The following DNAJC1 variants were observed in gnomAD, a reference collection of about 807,000 sequenced individuals.
DNAJC1 encodes dnaJ homolog subfamily C member 1.
Under a neutral mutation model 76.6 loss-of-function variants are expected in DNAJC1, and 58 were observed. The ratio of observed to expected loss-of-function variants is 0.76; its 90% confidence interval spans 0.61 to 0.94. The LOEUF (loss-of-function observed/expected upper bound fraction) is 0.94. Ranked by LOEUF, DNAJC1 falls within the 40% of genes least tolerant of loss-of-function variation. DNAJC1 has a pLI of 0.00. For missense variants in DNAJC1, 689 were observed against 677.3 expected (o/e 1.02, Z -0.19); for synonymous variants, 258 against 267.9 (o/e 0.96, Z 0.36).
At chr10:21,986,655 A>G (rs995243369) in intron 1 of DNAJC1, among the ~76,000 whole-genome samples, 2 of 152,164 alleles carry the variant, frequency 1.3e-5, no homozygotes, top group African/African-American at 4.8e-5. Flanking sequence ...ATTTTTAGGT[A>G]CTAAACCAAC....
intron 9 of DNAJC1, among the ~76,000 whole-genome samples, chr10:21,771,279 T>C (rs541493311): frequency 1.3e-5 from 2 of 152,338 alleles, no homozygotes; most frequent in South Asian, 4.1e-4. Context: ...TATTTCTTTT[T>C]CTTGCCTAAA....
intron 11 of DNAJC1, among the ~76,000 whole-genome samples, chr10:21,757,689 A>G: frequency 6.6e-6 from 1 of 152,162 alleles, no homozygotes; most frequent in East Asian, 1.9e-4. Flanking sequence ...ATGTGGCCAG[A>G]CCCAGCACTT....
At chr10:21,777,327 G>C (rs1467301543) in intron 9 of DNAJC1, among the ~76,000 whole-genome samples, 1 of 152,158 alleles carries the variant, frequency 6.6e-6, no homozygotes. Flanking sequence ...TTAAATAGGA[G>C]ATATAGAAAG....
intron 9 of DNAJC1, among the ~76,000 whole-genome samples, chr10:21,800,746 C>T (rs1337978879): frequency 2.0e-5 from 3 of 152,090 alleles, no homozygotes; most frequent in Non-Finnish European, 2.9e-5. Context: ...TGATATACAA[C>T]GTTTATACAT....
rs976621697 is a variant in DNAJC1, at chr10:21,769,209, G to A, written c.1099-2900C>T. Among the ~76,000 whole-genome samples, 4 of 152,116 alleles carry A rather than the reference G, an allele frequency of 2.6e-5. No individual in the cohort carries two copies. In the East Asian group the frequency reaches 5.8e-4, roughly 22 times the overall value. On this transcript the variant is annotated intron_variant, in intron 9 of 11. Transcript: ENST00000376980. ...TTTAGAAAAGAAATGATTAACCTAG[G>A]TCTCTGGCCCTGACTTCTACCTTGG...
chr10:21,758,092 T>C (rs1354405886), intron 11 of DNAJC1, among the ~76,000 whole-genome samples: 7 of 152,124 alleles, frequency 4.6e-5, no homozygotes, highest in Non-Finnish European at 8.8e-5. Context: ...TAACCGTTTA[T>C]TTTTCTCCCC....
chr10:21,938,085 A>G (rs1396922231), intron 1 of DNAJC1, among the ~76,000 whole-genome samples: 4 of 152,130 alleles, frequency 2.6e-5, no homozygotes, highest in Non-Finnish European at 5.9e-5. Flanking sequence ...GGGTTTCATT[A>G]CCCGTTAGAT....
intron 1 of DNAJC1, among the ~76,000 whole-genome samples, chr10:21,995,008 C>T (rs950080856): frequency 6.6e-6 from 1 of 150,560 alleles, no homozygotes; most frequent in African/African-American, 2.4e-5. Context: ...ATACAAAGCA[C>T]CACTTTAAGT....
At chr10:21,990,249 C>T (rs1302643025) in intron 1 of DNAJC1, among the ~76,000 whole-genome samples, 3 of 152,156 alleles carry the variant, frequency 2.0e-5, no homozygotes, top group Non-Finnish European at 2.9e-5. Context: ...ATAGTAACCA[C>T]AAATCATGCC....
At chr10:21,926,672 G>A (rs554017598) in intron 3 of DNAJC1, among the ~76,000 whole-genome samples, 1 of 152,156 alleles carries the variant, frequency 6.6e-6, no homozygotes, top group African/African-American at 2.4e-5. Flanking sequence ...AAGCTTTAGA[G>A]GAGTGATTCT....
At chr10:21,909,477 T>C (rs917312816) in intron 6 of DNAJC1, among the ~76,000 whole-genome samples, 20 of 152,214 alleles carry the variant, frequency 1.3e-4, no homozygotes, top group African/African-American at 3.6e-4. Context: ...AACTAAAATA[T>C]GGAATATAGA....
At chr10:21,812,990 T>G (rs1189553464) in intron 8 of DNAJC1, among the ~76,000 whole-genome samples, 7 of 148,924 alleles carry the variant, frequency 4.7e-5, no homozygotes, top group African/African-American at 1.7e-4. Flanking sequence ...GGGTGTGTTT[T>G]CCAAGGATAA....
chr10:21,845,356 CTTTT>C (rs112507630), intron 8 of DNAJC1, among the ~76,000 whole-genome samples: 2 of 141,164 alleles, frequency 1.4e-5, no homozygotes. Context: ...AAAATTAGAA[CTTTT>C]TTTTTTTTTT....
chr10:21,833,723 T>C (rs1049073374), intron 8 of DNAJC1, among the ~76,000 whole-genome samples: 1 of 152,210 alleles, frequency 6.6e-6, no homozygotes, highest in South Asian at 2.1e-4. Flanking sequence ...TTAATAAATG[T>C]TAGCTAATAT....
chr10:21,857,849 C>T (rs1361929831), intron 8 of DNAJC1, among the ~76,000 whole-genome samples: 1 of 151,106 alleles, frequency 6.6e-6, no homozygotes, highest in African/African-American at 2.4e-5. Context: ...AGCAAGGCTC[C>T]GTCTCAAAAA....
rs533686734 is a variant in DNAJC1, at chr10:21,815,477, G to C, written c.979-9378C>G. 3.9e-5 allele frequency among the ~76,000 whole-genome samples: 6 copies of C among 152,196 alleles called. No individual in the cohort carries two copies. In the South Asian group the frequency reaches 1.2e-3, roughly 32 times the overall value. ...CTGCTATTGCTATCAGTAATAAACT[G>C]TCCTCTATCTCTGACACAGGAGTTT... On this transcript the variant is annotated intron_variant, in intron 8 of 11. Coordinates refer to ENST00000376980, the MANE Select transcript of DNAJC1 (RefSeq NM_022365.4).
chr10:21,928,831 T>G (rs980898367), intron 2 of DNAJC1, among the ~76,000 whole-genome samples: 1 of 152,150 alleles, frequency 6.6e-6, no homozygotes, highest in South Asian at 2.1e-4. Flanking sequence ...AAGAAAATTA[T>G]GACAATTATG....
intron 3 of DNAJC1, among the ~76,000 whole-genome samples, chr10:21,925,229 C>G (rs1329110333): frequency 1.3e-5 from 2 of 152,056 alleles, no homozygotes; most frequent in Non-Finnish European, 2.9e-5. Flanking sequence ...CAGGGCTGGT[C>G]TCAAACTCCT....
chr10:21,808,197 C>CA (rs1168488884), intron 8 of DNAJC1, among the ~76,000 whole-genome samples: 3 of 151,956 alleles, frequency 2.0e-5, no homozygotes, highest in African/African-American at 7.2e-5. Flanking sequence ...ATTTTTGGAG[C>CA]AAAAAAATTG....
Sources: gnomAD v4.1 joint callset for allele counts (sites outside exome capture counted in the v4.1 genomes callset) on GRCh38, gnomAD v4.1.1 for gene constraint, MANE v1.5 for transcripts, NCBI Gene and HGNC (gene_info 2026-07-23, HGNC 2026-07-21) for gene names.